AHI1: variants seen among roughly 807,000 people sequenced by gnomAD.
The protein encoded by AHI1 is jouberin.
AHI1 carries 123 observed loss-of-function variants against 149.3 expected under a neutral mutation model. The observed-to-expected ratio is 0.82, with a 90% CI of 0.71 to 0.96. AHI1 has a LOEUF of 0.96. Among genes scored for constraint, AHI1 ranks in the 40% least tolerant of loss-of-function variants. The pLI is 0.00. For synonymous variants in AHI1, 475 were observed against 459.8 expected (o/e 1.03, Z -0.42); for missense variants, 1,439 against 1,422.7 (o/e 1.01, Z -0.18).
At chr6:135,333,009 C>T (rs1174561705) in intron 24 of AHI1, among the ~76,000 whole-genome samples, 4 of 152,128 alleles carry the variant, frequency 2.6e-5, no homozygotes, top group South Asian at 4.1e-4. Flanking sequence ...ATCAGAAATG[C>T]GAATTTTTGC....
rs1050155047 is a variant in AHI1 at position 135,300,654 on chromosome 6, G to T, written c.3427-96C>A. The T allele has an allele frequency of 2.6e-6, 4 of 1,532,424 alleles. No homozygotes were observed. In the African/African-American group the frequency reaches 4.1e-5, roughly 16 times the overall value. The allele number at this position is 1,532,424 out of a possible 1,614,324, so 94.9% of individuals were successfully genotyped here. A position where few individuals can be genotyped will look rare whatever the true frequency, so the allele number is the denominator to read the frequency against. On this transcript the variant is annotated intron_variant, in intron 26 of 28. Transcript: ENST00000265602. ...CTGAAAACCCACCAACTTCCTGAAT[G>T]GGGAGAGAATATGCCTGTTCTGAAC... is the stretch of plus-strand genomic sequence containing the variant.
chr6:135,432,295 A>T (rs909249280), intron 16 of AHI1, among the ~76,000 whole-genome samples: 5 of 152,124 alleles, frequency 3.3e-5, no homozygotes, highest in African/African-American at 9.7e-5. Context: ...AGATACAATA[A>T]ATTTCTTCAT....
intron 14 of AHI1, among the ~76,000 whole-genome samples, chr6:135,441,132 T>C (rs1381708592): frequency 6.7e-6 from 1 of 149,738 alleles, no homozygotes; most frequent in African/African-American, 2.5e-5. Context: ...AATAAAGAAA[T>C]AGATATGATT....
intron 3 of AHI1, 95 bp from the exon 4 acceptor site, chr6:135,492,386 T>A: frequency 7.2e-7 from 1 of 1,384,430 alleles, no homozygotes; most frequent in Non-Finnish European, 9.4e-7. Context: ...GTATGTCCAC[T>A]ACTTCATTAA....
At chr6:135,358,901 G>A (rs907924736) in intron 23 of AHI1, among the ~76,000 whole-genome samples, 1 of 152,238 alleles carries the variant, frequency 6.6e-6, no homozygotes, top group African/African-American at 2.4e-5. Context: ...ATGAACACAA[G>A]TGTGGGTCTT....
intron 11 of AHI1, among the ~76,000 whole-genome samples, chr6:135,452,841 C>G (rs1295344096): frequency 6.6e-6 from 1 of 152,100 alleles, no homozygotes; most frequent in Admixed American, 6.6e-5. Flanking sequence ...CATTTCTTCC[C>G]CACCGGTGGC....
intron 28 of AHI1, 86 bp downstream of exon 28, chr6:135,290,337 T>TG (rs1782181565): frequency 1.2e-6 from 1 of 851,324 alleles, no homozygotes; most frequent in Non-Finnish European, 2.0e-6. Flanking sequence ...CTTGCCTCTC[T>TG]CTGGTATTTG....
intron 14 of AHI1, among the ~76,000 whole-genome samples, chr6:135,442,198 C>T (rs1160862510): frequency 6.6e-6 from 1 of 152,152 alleles, no homozygotes; most frequent in African/African-American, 2.4e-5. Flanking sequence ...TTCCACTACA[C>T]AGCAAATCTG....
intron 22 of AHI1, among the ~76,000 whole-genome samples, chr6:135,396,816 C>T (rs530310893): frequency 3.3e-5 from 5 of 151,628 alleles, no homozygotes; most frequent in Non-Finnish European, 7.4e-5. Context: ...CATCTTTGCA[C>T]ACACACACAC....
chr6:135,429,844 T>C (rs1307643454), intron 18 of AHI1, 38 bp downstream of exon 18: 9 of 1,192,452 alleles, frequency 7.5e-6, no homozygotes, highest in South Asian at 4.3e-5. Flanking sequence ...TTACTTACTC[T>C]GTGAGTACTT....
chr6:135,398,996 C>T (rs1779650827), intron 22 of AHI1, among the ~76,000 whole-genome samples: 1 of 152,104 alleles, frequency 6.6e-6, no homozygotes, highest in South Asian at 2.1e-4. Context: ...CCAGCCTGGG[C>T]AACACAGTGA....
At chr6:135,315,282 C>T (rs891636731) in intron 26 of AHI1, among the ~76,000 whole-genome samples, 16 of 152,156 alleles carry the variant, frequency 1.1e-4, no homozygotes, top group Non-Finnish European at 1.8e-4. Context: ...ACCTGAGCTG[C>T]CTGACATCTG....
chr6:135,431,255 T>C lies in AHI1; in HGVS notation c.2326A>G (p.Lys776Glu). The change falls in exon 17 of 29, where the codon AAG (lysine) becomes GAG (glutamate). Residue 776 changes from lysine to glutamate, a missense_variant. Coordinates refer to ENST00000265602, the MANE Select transcript of AHI1 (RefSeq NM_001134831.2). The stretch of plus-strand genomic sequence containing the variant: ...ACTGAATGTTCCAAATCATTAATCT[T>C]GACATAGGTATTCCAAACAACAATC... Reference protein sequence around the residue: ...GVIVVWNTYVKINDLEHSVHH... With the variant: ...GVIVVWNTYVEINDLEHSVHH... 1 of 1,608,972 alleles carries C rather than the reference T, an allele frequency of 6.2e-7. No individual in the cohort carries two copies. Among genetic ancestry groups the C allele is most frequent in the Non-Finnish European group, 8.5e-7 (1 of 1,176,936 alleles).
intron 5 of AHI1, among the ~76,000 whole-genome samples, chr6:135,478,730 T>C (rs1018537498): frequency 3.3e-5 from 5 of 152,238 alleles, no homozygotes; most frequent in Admixed American, 6.5e-5. Context: ...CAAATGTTAA[T>C]AGCACAGACA....
intron 26 of AHI1, among the ~76,000 whole-genome samples, chr6:135,315,958 T>G (rs1785885634): frequency 6.6e-6 from 1 of 152,170 alleles, no homozygotes; most frequent in Admixed American, 6.5e-5. Flanking sequence ...GGCCAGAGAA[T>G]TCTTTGTTGA....
chr6:135,370,290 A>G (rs1321578028), intron 23 of AHI1, among the ~76,000 whole-genome samples: 2 of 152,198 alleles, frequency 1.3e-5, no homozygotes, highest in African/African-American at 4.8e-5. Flanking sequence ...CCCCAAAATG[A>G]GATGAGTTAT....
At chr6:135,287,035 G>A (rs1322600865) in intron 28 of AHI1, among the ~76,000 whole-genome samples, 1 of 152,164 alleles carries the variant, frequency 6.6e-6, no homozygotes, top group Non-Finnish European at 1.5e-5. Context: ...GCAGTGAGGA[G>A]GGTAAAGGAT....
chr6:135,453,927 C>T (rs946585884), intron 10 of AHI1, among the ~76,000 whole-genome samples: 2 of 152,030 alleles, frequency 1.3e-5, no homozygotes, highest in Non-Finnish European at 2.9e-5. Context: ...GACATTAAAG[C>T]TCATGGATTT....
At position 135,335,688 on chromosome 6, in the gene AHI1, G is replaced by C. The variant is rs902559989; in HGVS notation, c.3166-12364C>G. Among the ~76,000 whole-genome samples the C allele has an allele frequency of 2.0e-5, 3 of 152,170 alleles. No individual in the cohort carries two copies. In the East Asian group the frequency reaches 5.8e-4, roughly 29 times the overall value. Reference sequence around the variant, plus strand: ...ATGAATTATTTTAAATTCTCTTAATGAACTGTAAGCTGTAAGCAAATGTAA... The same window carrying C: ...ATGAATTATTTTAAATTCTCTTAATCAACTGTAAGCTGTAAGCAAATGTAA... On this transcript the variant is annotated intron_variant, in intron 24 of 28. Transcript: ENST00000265602.
Sources: allele counts gnomAD v4.1 joint callset (sites outside exome capture counted in the v4.1 genomes callset), GRCh38; gene constraint gnomAD v4.1.1; transcripts MANE v1.5; gene names NCBI Gene and HGNC (gene_info 2026-07-23, HGNC 2026-07-21).